KLHL29: variants seen among roughly 807,000 people sequenced by gnomAD.
The protein encoded by KLHL29 is kelch-like protein 29.
In KLHL29, 21 loss-of-function variants were observed where a neutral mutation model predicts 80.4. That is an observed-to-expected ratio of 0.26 (90% CI 0.19 to 0.38). The LOEUF (loss-of-function observed/expected upper bound fraction) is 0.38, where lower values mean the gene tolerates loss of function less well. Ranked by LOEUF, KLHL29 falls within the 10% of genes least tolerant of loss-of-function variation. The probability of loss-of-function intolerance (pLI) is 1.00; values close to 1 mark genes in which losing one functional copy is unlikely to be tolerated. For missense variants in KLHL29, 867 were observed against 1,223.9 expected (o/e 0.71, Z 4.35); for synonymous variants, 511 against 526.8 (o/e 0.97, Z 0.41).
chr2:23,642,641 T>C lies in KLHL29; in HGVS notation c.731T>C (p.Val244Ala), dbSNP rs1322069586. The C allele has an allele frequency of 6.5e-7, 1 of 1,549,378 alleles. No homozygotes were observed. Among genetic ancestry groups the C allele is most frequent in the Non-Finnish European group, 8.7e-7 (1 of 1,146,450 alleles). The change falls in exon 5 of 14, where the codon GTG becomes GCG. Residue 244 changes from valine to alanine, a missense_variant. Transcript: ENST00000486442. ...TCCACACTGCCCGGTGTGGGGCAGGTGGCCCGCCCAGGACCCACCGCTGTG... is the reference window on the plus strand; with the variant it reads ...TCCACACTGCCCGGTGTGGGGCAGGCGGCCCGCCCAGGACCCACCGCTGTG... ...AVSTLPGVGQVARPGPTAVGN... is the reference protein window; with the variant it reads ...AVSTLPGVGQAARPGPTAVGN...
intron 1 of KLHL29, among the ~76,000 whole-genome samples, chr2:23,398,693 G>T (rs891081040): frequency 3.0e-4 from 45 of 152,202 alleles, no homozygotes; most frequent in African/African-American, 9.6e-4. Context: ...TTCAGAGAAG[G>T]TTCCAAAGAC....
At chr2:23,423,377 G>T (rs1174729575) in intron 1 of KLHL29, among the ~76,000 whole-genome samples, 1 of 152,180 alleles carries the variant, frequency 6.6e-6, no homozygotes, top group Non-Finnish European at 1.5e-5. Context: ...CACCGAAGGG[G>T]TCCCTTCCGC....
intron 1 of KLHL29, among the ~76,000 whole-genome samples, chr2:23,403,864 A>C (rs1558325438): frequency 1.3e-5 from 2 of 152,014 alleles, no homozygotes; most frequent in East Asian, 3.9e-4. Context: ...ATGTGTTTGC[A>C]TTTGAGGAGG....
At chr2:23,653,230 A>T (rs1322070703) in intron 5 of KLHL29, among the ~76,000 whole-genome samples, 4 of 152,232 alleles carry the variant, frequency 2.6e-5, no homozygotes. Context: ...GCTCAGAGGT[A>T]TCACCTAGCT....
At chr2:23,470,843 A>G (rs910236572) in intron 1 of KLHL29, among the ~76,000 whole-genome samples, 1 of 152,214 alleles carries the variant, frequency 6.6e-6, no homozygotes, top group Non-Finnish European at 1.5e-5. Context: ...ACCCCGGCTC[A>G]TGAACTGTCG....
chr2:23,525,969 C>T (rs1163326160), intron 2 of KLHL29, among the ~76,000 whole-genome samples: 2 of 152,206 alleles, frequency 1.3e-5, no homozygotes, highest in South Asian at 4.1e-4. Context: ...CTGGCCATGG[C>T]AAGTCACGTC....
At chr2:23,635,617 A>G (rs1039991824) in intron 3 of KLHL29, among the ~76,000 whole-genome samples, 2 of 152,276 alleles carry the variant, frequency 1.3e-5, no homozygotes, top group African/African-American at 4.8e-5. Flanking sequence ...ACAAGAGCTC[A>G]GGGTTTAAAA....
At chr2:23,594,993 T>C (rs950005829) in intron 3 of KLHL29, among the ~76,000 whole-genome samples, 6 of 152,234 alleles carry the variant, frequency 3.9e-5, no homozygotes, top group Admixed American at 1.3e-4. Flanking sequence ...ATAAATAATA[T>C]AGTTTTTAAT....
chr2:23,612,177 G>A (rs1305543620), intron 3 of KLHL29, among the ~76,000 whole-genome samples: 1 of 152,150 alleles, frequency 6.6e-6, no homozygotes, highest in East Asian at 1.9e-4. Flanking sequence ...CTAAACCAAG[G>A]CATTCAGAGT....
At chr2:23,626,189 A>C (rs889192785) in intron 3 of KLHL29, among the ~76,000 whole-genome samples, 1 of 152,232 alleles carries the variant, frequency 6.6e-6, no homozygotes, top group Non-Finnish European at 1.5e-5. Context: ...GATCCCTCTC[A>C]TGCACAGTTC....
At chr2:23,640,081 C>T (rs887151868) in intron 4 of KLHL29, among the ~76,000 whole-genome samples, 7 of 152,190 alleles carry the variant, frequency 4.6e-5, no homozygotes, top group Non-Finnish European at 7.3e-5. Flanking sequence ...AACAGCACCC[C>T]GAGATGCCCC....
intron 11 of KLHL29, among the ~76,000 whole-genome samples, chr2:23,702,785 G>T (rs1257751401): frequency 6.6e-6 from 1 of 152,212 alleles, no homozygotes; most frequent in Non-Finnish European, 1.5e-5. Flanking sequence ...GGGCAGGAAT[G>T]GTGCTTCATC....
At chr2:23,651,627 G>T (rs1670090396) in intron 5 of KLHL29, among the ~76,000 whole-genome samples, 1 of 152,180 alleles carries the variant, frequency 6.6e-6, no homozygotes, top group African/African-American at 2.4e-5. Flanking sequence ...CCTTGGTCTT[G>T]AGCATCACAC....
At chr2:23,546,223 G>T (rs986518571) in intron 2 of KLHL29, among the ~76,000 whole-genome samples, 1 of 152,244 alleles carries the variant, frequency 6.6e-6, no homozygotes, top group Non-Finnish European at 1.5e-5. Flanking sequence ...TGACTGATGG[G>T]TGTGAGTAGG....
chr2:23,417,959 C>G (rs1166769213), intron 1 of KLHL29, among the ~76,000 whole-genome samples: 6 of 152,160 alleles, frequency 3.9e-5, no homozygotes, highest in Non-Finnish European at 7.3e-5. Flanking sequence ...CATATTCTGT[C>G]CATCGCCCTG....
intron 5 of KLHL29, among the ~76,000 whole-genome samples, chr2:23,663,507 T>C (rs1221975485): frequency 6.6e-6 from 1 of 152,246 alleles, no homozygotes; most frequent in East Asian, 1.9e-4. Context: ...AGCGCCTATT[T>C]GCATATGCGT....
chr2:23,450,210 T>A (rs968969215), intron 1 of KLHL29, among the ~76,000 whole-genome samples: 18 of 151,804 alleles, frequency 1.2e-4, no homozygotes, highest in African/African-American at 4.1e-4. Flanking sequence ...TCATCTCGCC[T>A]CTCGGTGAGA....
rs192285582 is a variant in KLHL29 at position 23,676,481 on chromosome 2, C to T, written c.941-7918C>T. 5.9e-5 allele frequency among the ~76,000 whole-genome samples: 9 copies of T among 152,274 alleles called. 1 individual carries two copies. The highest frequency in any genetic ancestry group is 5.8e-4 in the East Asian group (3 of 5,178). On this transcript the variant is annotated intron_variant, in intron 5 of 13. Coordinates refer to ENST00000486442, the MANE Select transcript of KLHL29 (RefSeq NM_052920.2). ...ACAGGAGTGAGCCACCGCACCTGGC[C>T]GAGGATGGGATTTTAAGTGAGGCTT...
intron 1 of KLHL29, among the ~76,000 whole-genome samples, chr2:23,440,778 G>A (rs1663492295): frequency 6.6e-6 from 1 of 152,114 alleles, no homozygotes; most frequent in Non-Finnish European, 1.5e-5. Context: ...ACCACAATGA[G>A]ATACCATCTC....
Sources: gnomAD v4.1 joint callset for allele counts (sites outside exome capture counted in the v4.1 genomes callset) on GRCh38, gnomAD v4.1.1 for gene constraint, MANE v1.5 for transcripts, NCBI Gene and HGNC (gene_info 2026-07-23, HGNC 2026-07-21) for gene names.